The following RAD21 variants were observed in gnomAD, a reference collection of about 807,000 sequenced individuals.
The protein encoded by RAD21 is RAD21 cohesin complex component.
A neutral mutation model predicts 71.5 loss-of-function variants in RAD21; 18 were observed. The observed-to-expected ratio is 0.25, with a 90% CI of 0.17 to 0.37. RAD21 has a LOEUF of 0.37. Among genes scored for constraint, RAD21 ranks in the 10% least tolerant of loss-of-function variants. The pLI, the probability that RAD21 is intolerant of heterozygous loss-of-function variation, is 1.00. For missense variants in RAD21, 493 were observed against 769.1 expected (o/e 0.64, Z 4.25); for synonymous variants, 248 against 254.0 (o/e 0.98, Z 0.22).
At chr8:116,863,082 A>T (rs1232613296) in intron 3 of RAD21, 48 bp downstream of exon 3, 49 of 1,551,186 alleles carry the variant, frequency 3.2e-5, no homozygotes, top group Non-Finnish European at 4.1e-5. Context: ...AACATGAGAA[A>T]CTCCAAAGTA....
chr8:116,849,180 G>C (rs1423014806), intron 12 of RAD21, 151 bp from the exon 13 acceptor site: 1 of 519,490 alleles, frequency 1.9e-6, no homozygotes, highest in Non-Finnish European at 3.3e-6. Context: ...CAATCACTTA[G>C]CATTTAGAGT....
rs1812333268 is a variant in RAD21 at position 116,850,745 on chromosome 8, T to C, written c.1493A>G (p.Glu498Gly). 11 of 1,609,298 alleles carry C rather than the reference T, an allele frequency of 6.8e-6. No individual in the cohort carries two copies. Among genetic ancestry groups the C allele is most frequent in the Non-Finnish European group, 9.4e-6 (11 of 1,175,836 alleles). The change falls in exon 12 of 14, where the codon GAA becomes GGA. Residue 498 changes from glutamate (E) to glycine (G), a missense_variant. Around this residue, in one of 5 missense-constraint regions of RAD21, gnomAD observed 225 missense variants for 218.3 expected, o/e 1.03. Coordinates refer to ENST00000297338, the MANE Select transcript of RAD21 (RefSeq NM_006265.3). ...TGGGGGAAGCTCTACAGGTGGTATT[T>C]CCATCTGCTCTACCTGCTGAGGCTT... ...VMPPQQVEQMEIPPVELPPEE... is the reference protein window; with the variant it reads ...VMPPQQVEQMGIPPVELPPEE...
At chr8:116,847,771 A>G in intron 13 of RAD21, 80 bp from the exon 14 acceptor site, 1 of 1,277,524 alleles carries the variant, frequency 7.8e-7, no homozygotes, top group Non-Finnish European at 1.1e-6. Context: ...CAGTTTGAAT[A>G]TTTGTCCCCT....
chr8:116,853,164 C>T (rs374619287), intron 9 of RAD21, among the ~76,000 whole-genome samples: 48 of 152,178 alleles, frequency 3.2e-4, no homozygotes, highest in African/African-American at 9.6e-4. Context: ...TTGCAACCTC[C>T]GCGCCCCCGG....
At chr8:116,864,266 AACC>A (rs1332704604) in intron 2 of RAD21, among the ~76,000 whole-genome samples, 1 of 152,152 alleles carries the variant, frequency 6.6e-6, no homozygotes, top group Non-Finnish European at 1.5e-5. Context: ...TACTTTCCCA[AACC>A]ACGCCATAAA....
chr8:116,859,383 T>A (rs1812538401), intron 4 of RAD21, among the ~76,000 whole-genome samples: 1 of 152,090 alleles, frequency 6.6e-6, no homozygotes, highest in South Asian at 2.1e-4. Context: ...TCTTGATTAG[T>A]GATCTTTAAA....
chr8:116,872,141 T>C (rs1812835772), intron 1 of RAD21, among the ~76,000 whole-genome samples: 2 of 152,182 alleles, frequency 1.3e-5, no homozygotes, highest in South Asian at 4.1e-4. Context: ...ACTATTAACA[T>C]AGCATTTACA....
intron 8 of RAD21, 65 bp from the exon 9 acceptor site, chr8:116,854,533 G>C: frequency 1.7e-6 from 2 of 1,196,572 alleles, no homozygotes. Flanking sequence ...ACAGCTACAA[G>C]ATCTGGACTG....
At chr8:116,862,356 A>G (rs1812608240) in intron 3 of RAD21, among the ~76,000 whole-genome samples, 1 of 152,062 alleles carries the variant, frequency 6.6e-6, no homozygotes, top group Non-Finnish European at 1.5e-5. Flanking sequence ...TCTATAATAA[A>G]TATGCCTTAC....
rs1812251469 is a variant in RAD21, at chr8:116,846,279, G to C, written c.*1221C>G. 2 of 230,950 alleles carry C rather than the reference G, an allele frequency of 8.7e-6. No homozygotes were observed. The highest frequency in any genetic ancestry group is 6.2e-5 in the East Asian group (1 of 16,062). 14.3% of individuals were successfully genotyped at this position (230,950 alleles called of 1,614,324 possible). A position where few individuals can be genotyped will look rare whatever the true frequency, so the allele number is the denominator to read the frequency against. ...AATTATTGGGTATACACTGAAGTCT[G>C]AGTTTCAAAAGTGATTTTTTTTTCC... On this transcript the variant is annotated 3_prime_UTR_variant, in exon 14 of 14. Coordinates refer to ENST00000297338, the MANE Select transcript of RAD21 (RefSeq NM_006265.3).
In RAD21 at chr8:116,852,092, C is replaced by A; in HGVS notation, c.1326G>T (p.Glu442Asp). 6.2e-7 allele frequency: 1 copy of A among 1,602,044 alleles called. No individual in the cohort carries two copies. Among genetic ancestry groups the A allele is most frequent in the Non-Finnish European group, 8.5e-7 (1 of 1,170,268 alleles). The change falls in exon 11 of 14, where the codon GAG becomes GAT. Residue 442 changes from glutamate to aspartate, a missense_variant. Coordinates refer to ENST00000297338, the MANE Select transcript of RAD21 (RefSeq NM_006265.3). ...GGCGGCTTGGCTCTTCAATAATGGGCTCATCTGCAATTGGTCATATGAAGA... is the reference window on the plus strand; with the variant it reads ...GGCGGCTTGGCTCTTCAATAATGGGATCATCTGCAATTGGTCATATGAAGA... ...QQHQQRDVID[E>D]PIIEEPSRLQ...
At chr8:116,863,725 C>T (rs1008278248) in intron 2 of RAD21, among the ~76,000 whole-genome samples, 3 of 151,994 alleles carry the variant, frequency 2.0e-5, no homozygotes, top group African/African-American at 7.2e-5. Flanking sequence ...CCCAAAAGAA[C>T]AACGCCTCTC....
In RAD21 at chr8:116,846,659, G is replaced by C. The variant is rs1454033606; in HGVS notation, c.*841C>G. 4.4e-5 allele frequency: 10 copies of C among 224,980 alleles called. No individual in the cohort carries two copies. Among genetic ancestry groups the C allele is most frequent in the Non-Finnish European group, 8.0e-5 (9 of 112,712 alleles). 13.9% of individuals were successfully genotyped at this position (224,980 alleles called of 1,614,324 possible). On this transcript the variant is annotated 3_prime_UTR_variant, in exon 14 of 14. Coordinates refer to ENST00000297338, the MANE Select transcript of RAD21 (RefSeq NM_006265.3). ...ATCAGTCTGTCCTTGTAGTAGGCAG[G>C]GCAATTTCTGTTTTCATGATCGGAA...
At chr8:116,851,791 G>T in intron 11 of RAD21, 157 bp downstream of exon 11, 1 of 626,806 alleles carries the variant, frequency 1.6e-6, no homozygotes, top group Non-Finnish European at 2.6e-6. Context: ...CTCACTCCGA[G>T]TGGACTGTCT....
chr8:116,862,001 G>A, intron 3 of RAD21, 61 bp from the exon 4 acceptor site: 1 of 1,312,728 alleles, frequency 7.6e-7, no homozygotes, highest in Non-Finnish European at 1.1e-6. Flanking sequence ...GGGATCAGAG[G>A]GAGATAAGTA....
At chr8:116,867,931 T>C (rs1419820035) in intron 1 of RAD21, among the ~76,000 whole-genome samples, 1 of 152,188 alleles carries the variant, frequency 6.6e-6, no homozygotes, top group African/African-American at 2.4e-5. Context: ...TAATCACCAC[T>C]GCAAAAAGAT....
rs1035794357 is a variant in RAD21 at position 116,846,135 on chromosome 8, C to A, written c.*1365G>T. ...CGGGGAAAACTCCTTGGTTTACAGGCACATCATATTGAATGTAAAGCTGCA... is the reference window on the plus strand; with the variant it reads ...CGGGGAAAACTCCTTGGTTTACAGGAACATCATATTGAATGTAAAGCTGCA... On this transcript the variant is annotated 3_prime_UTR_variant, in exon 14 of 14. Transcript: ENST00000297338. 1 of 230,842 alleles carries A rather than the reference C, an allele frequency of 4.3e-6. No homozygotes were observed. Among genetic ancestry groups the A allele is most frequent in the African/African-American group, 2.2e-5 (1 of 45,190 alleles). The allele number at this position is 230,842 out of a possible 1,614,324, so 14.3% of individuals were successfully genotyped here.
chr8:116,853,031 TA>T (rs1274546976), intron 9 of RAD21, among the ~76,000 whole-genome samples: 11 of 152,372 alleles, frequency 7.2e-5, no homozygotes, highest in Admixed American at 5.9e-4. Flanking sequence ...AAAATAGCTT[TA>T]AATTGTGTTT....
intron 1 of RAD21, 103 bp from the exon 2 acceptor site, chr8:116,866,864 C>CTATA (rs370628254): frequency 1.6e-6 from 1 of 643,634 alleles, no homozygotes; most frequent in African/African-American, 2.1e-5. Context: ...AATATGAAAA[C>CTATA]TATAAAATGC....
Sources: gnomAD v4.1 joint callset for allele counts (sites outside exome capture counted in the v4.1 genomes callset) on GRCh38, gnomAD v4.1.1 for gene constraint, gnomAD v4.1.1 regional missense constraint, MANE v1.5 for transcripts, NCBI Gene and HGNC (gene_info 2026-07-23, HGNC 2026-07-21) for gene names.